Variants in MAD1L1 observed in about 807,000 individuals in gnomAD.
The protein encoded by MAD1L1 is mitotic spindle assembly checkpoint protein MAD1.
In MAD1L1, 95 loss-of-function variants were observed where a neutral mutation model predicts 96.9. The observed-to-expected ratio is 0.98, with a 90% CI of 0.83 to 1.16. The LOEUF (loss-of-function observed/expected upper bound fraction) is 1.16. Among genes scored for constraint, MAD1L1 ranks in the 50% most tolerant of loss-of-function variants. The pLI is 0.00. For synonymous variants in MAD1L1, 473 were observed against 396.6 expected, an observed-to-expected ratio of 1.19 and a Z score of -2.29; for missense variants, 1,007 against 954.4, an observed-to-expected ratio of 1.06 and a Z score of -0.73.
intron 11 of MAD1L1, among the ~76,000 whole-genome samples, chr7:2,108,663 C>T (rs943890424): frequency 3.9e-5 from 6 of 152,198 alleles, no homozygotes; most frequent in African/African-American, 1.4e-4. Context: ...AGGCTTTTCA[C>T]AGGGAGCCAG....
intron 16 of MAD1L1, among the ~76,000 whole-genome samples, chr7:1,939,899 G>A (rs570167559): frequency 1.2e-4 from 18 of 152,336 alleles, no homozygotes; most frequent in Middle Eastern, 3.4e-3. Flanking sequence ...ATGGGCAATC[G>A]TGGTCCCAGA....
intron 18 of MAD1L1, among the ~76,000 whole-genome samples, chr7:1,862,746 GC>G (rs1784592473): frequency 6.6e-6 from 1 of 152,210 alleles, no homozygotes; most frequent in African/African-American, 2.4e-5. Flanking sequence ...GAAAAAGGAA[GC>G]TTTACATCAC....
chr7:2,169,092 C>T lies in MAD1L1; in HGVS notation c.987-19854G>A, dbSNP rs185250497. Among the ~76,000 whole-genome samples, 4 of 152,338 alleles carry T rather than the reference C, an allele frequency of 2.6e-5. No individual in the cohort carries two copies. In the East Asian group the frequency reaches 7.7e-4, roughly 29 times the overall value. On this transcript the variant is annotated intron_variant, in intron 10 of 18. Transcript: ENST00000265854. ...AAGAACCGGAAACAACCTGAATATT[C>T]ACAGGAGGCAAACGATCCGTGACAG...
chr7:1,884,445 G>A (rs1006443511), intron 18 of MAD1L1, among the ~76,000 whole-genome samples: 15 of 152,224 alleles, frequency 9.9e-5, no homozygotes, highest in Non-Finnish European at 1.9e-4. Context: ...AGGCCTCAAT[G>A]CTCTTGAGGA....
chr7:1,852,898 C>T (rs1462326017), intron 18 of MAD1L1, among the ~76,000 whole-genome samples: 12 of 152,212 alleles, frequency 7.9e-5, no homozygotes, highest in African/African-American at 2.6e-4. Context: ...GAGGACGGGC[C>T]GCTGTCCCTG....
chr7:2,167,225 G>A (rs1790473823), intron 10 of MAD1L1, among the ~76,000 whole-genome samples: 1 of 152,202 alleles, frequency 6.6e-6, no homozygotes, highest in Non-Finnish European at 1.5e-5. Context: ...AGAGATAACA[G>A]GTGACATTCC....
Position 1,954,089 on chromosome 7 carries a change from T to C in MAD1L1, c.1596+3540A>G, listed in dbSNP as rs181030819. The stretch of plus-strand genomic sequence containing the variant: ...CACTGTGGGTCCTGCCCCAGCTCGG[T>C]GCCCTCCATCCCCGCATGTGGCCCA... On this transcript the variant is annotated intron_variant, in intron 16 of 18. Transcript: ENST00000265854. Among the ~76,000 whole-genome samples, 18 of 152,198 alleles carry C rather than the reference T, an allele frequency of 1.2e-4. No individual in the cohort carries two copies. The East Asian group carries it at 3.5e-3, about 29-fold the overall frequency.
intron 16 of MAD1L1, among the ~76,000 whole-genome samples, chr7:1,955,123 G>A (rs779337924): frequency 4.6e-5 from 7 of 152,228 alleles, no homozygotes; most frequent in Non-Finnish European, 1.0e-4. Context: ...CCAACCAGCT[G>A]TGAACTAATT....
chr7:1,872,104 T>C (rs1237707053), intron 18 of MAD1L1, among the ~76,000 whole-genome samples: 2 of 152,228 alleles, frequency 1.3e-5, no homozygotes, highest in African/African-American at 4.8e-5. Context: ...GGGAGCCTCC[T>C]CCACACCCTG....
At chr7:1,820,074 C>T (rs922075143) in intron 18 of MAD1L1, among the ~76,000 whole-genome samples, 14 of 152,000 alleles carry the variant, frequency 9.2e-5, no homozygotes, top group African/African-American at 3.1e-4. Flanking sequence ...TGTGGGGTGG[C>T]GTGAAGAGGT....
intron 11 of MAD1L1, among the ~76,000 whole-genome samples, chr7:2,093,486 C>T (rs771013460): frequency 1.9e-4 from 29 of 152,182 alleles, no homozygotes; most frequent in East Asian, 7.7e-4. Flanking sequence ...GGAAGAGGGA[C>T]GACGGGAAAC....
At chr7:2,085,033 G>A (rs534773114) in intron 11 of MAD1L1, among the ~76,000 whole-genome samples, 1 of 152,346 alleles carries the variant, frequency 6.6e-6, no homozygotes, top group South Asian at 2.1e-4. Flanking sequence ...GCCCAGCTGA[G>A]AAGACATCAG....
Position 1,968,854 on chromosome 7 carries a change from A to C in MAD1L1, c.1506-11135T>G, listed in dbSNP as rs944749937. Among the ~76,000 whole-genome samples, 2 of 152,218 alleles carry C rather than the reference A, an allele frequency of 1.3e-5. No homozygotes were observed. Among genetic ancestry groups the C allele is most frequent in the Non-Finnish European group, 2.9e-5 (2 of 68,042 alleles). On this transcript the variant is annotated intron_variant, in intron 15 of 18. Coordinates refer to ENST00000265854, the MANE Select transcript of MAD1L1 (RefSeq NM_001013836.2). This position sits in a 1 kb window ranked among gnomAD's most constrained non-coding sequence, Gnocchi z 5.6. Reference sequence around the variant, plus strand: ...AACTGTCACCGACCAGCGGCAGAAGAGATGTGACGACTAAAATCAACACGG... The same window carrying C: ...AACTGTCACCGACCAGCGGCAGAAGCGATGTGACGACTAAAATCAACACGG...
At position 1,939,160 on chromosome 7, in the gene MAD1L1, C is replaced by T. The variant is rs182364915; in HGVS notation, c.1597-2263G>A. ...CCAGGGCCGGGACCAGAGGCGCACACACACATACGGGCCAGGGCCAGGACC... is the reference window on the plus strand; with the variant it reads ...CCAGGGCCGGGACCAGAGGCGCACATACACATACGGGCCAGGGCCAGGACC... On this transcript the variant is annotated intron_variant, in intron 16 of 18. Transcript: ENST00000265854. 3.0e-3 allele frequency among the ~76,000 whole-genome samples: 434 copies of T among 145,432 alleles called. 3 individuals are homozygous for T. Among genetic ancestry groups the T allele is most frequent in the Non-Finnish European group, 4.3e-3 (287 of 66,286 alleles).
At chr7:2,160,418 C>T (rs1195190831) in intron 10 of MAD1L1, among the ~76,000 whole-genome samples, 3 of 150,076 alleles carry the variant, frequency 2.0e-5, no homozygotes, top group Non-Finnish European at 3.0e-5. Context: ...CTGAAAGCTC[C>T]GCCTCCTGGG....
At chr7:2,080,684 C>G (rs371675046) in intron 11 of MAD1L1, among the ~76,000 whole-genome samples, 4 of 152,188 alleles carry the variant, frequency 2.6e-5, no homozygotes, top group African/African-American at 4.8e-5. Flanking sequence ...ACTCCCGGGT[C>G]GCAGAGCAGC....
rs750460555 is a variant in MAD1L1, at chr7:1,994,815, G to T, written c.1416+7250C>A. Reference sequence around the variant, plus strand: ...CTGGACTTCCAGCCTGCAGAACCGTGAGCAACAAATGTCTGCAAGGGTTTT... The same window carrying T: ...CTGGACTTCCAGCCTGCAGAACCGTTAGCAACAAATGTCTGCAAGGGTTTT... On this transcript the variant is annotated intron_variant, in intron 14 of 18. Transcript: ENST00000265854. Among the ~76,000 whole-genome samples the T allele has an allele frequency of 5.3e-5, 8 of 152,314 alleles. No homozygotes were observed. In the South Asian group the frequency reaches 8.3e-4, roughly 16 times the overall value.
chr7:2,047,310 G>A (rs1468630807), intron 12 of MAD1L1, among the ~76,000 whole-genome samples: 1 of 152,194 alleles, frequency 6.6e-6, no homozygotes, highest in Non-Finnish European at 1.5e-5. Context: ...CTGGGGGCCT[G>A]TCTGCAGACC....
chr7:2,213,046 C>T (rs570217382), intron 10 of MAD1L1, among the ~76,000 whole-genome samples, 166 bp downstream of exon 10: 22 of 152,352 alleles, frequency 1.4e-4, no homozygotes, highest in South Asian at 2.1e-4. Context: ...CTGCCCCATC[C>T]GCTGGGAAAG....
Sources: allele counts gnomAD v4.1 joint callset (sites outside exome capture counted in the v4.1 genomes callset), GRCh38; gene constraint gnomAD v4.1.1; non-coding constraint Gnocchi (gnomAD v3.1); transcripts MANE v1.5; gene names NCBI Gene and HGNC (gene_info 2026-07-23, HGNC 2026-07-21).